PHACTR1: variants seen among roughly 807,000 people sequenced by gnomAD.
PHACTR1 encodes RPEL repeat containing 1.
Under a neutral mutation model 69.2 loss-of-function variants are expected in PHACTR1, and 16 were observed. The observed-to-expected ratio is 0.23, with a 90% CI of 0.16 to 0.35. PHACTR1 has a LOEUF of 0.35. Among genes scored for constraint, PHACTR1 ranks in the 10% least tolerant of loss-of-function variants. PHACTR1 has a pLI of 1.00. For synonymous variants in PHACTR1, 312 were observed against 284.5 expected (o/e 1.10, Z -0.97); for missense variants, 510 against 734.7 (o/e 0.69, Z 3.54).
At chr6:13,101,849 A>G (rs1247786692) in intron 5 of PHACTR1, among the ~76,000 whole-genome samples, 3 of 152,222 alleles carry the variant, frequency 2.0e-5, no homozygotes, top group South Asian at 2.1e-4. Context: ...GCTGCTCATA[A>G]TCAGTGAAGA....
chr6:13,100,414 A>G (rs758822654), intron 5 of PHACTR1, among the ~76,000 whole-genome samples: 11 of 152,210 alleles, frequency 7.2e-5, no homozygotes, highest in Admixed American at 5.9e-4. Context: ...GGTATGTCAC[A>G]AAACTACGAA....
At chr6:12,942,319 A>G (rs1242755249) in intron 4 of PHACTR1, among the ~76,000 whole-genome samples, 1 of 152,254 alleles carries the variant, frequency 6.6e-6, no homozygotes, top group African/African-American at 2.4e-5. Flanking sequence ...CCACAGGGAT[A>G]TCAAGTAGTA....
At chr6:13,281,064 G>C (rs949989457) in intron 12 of PHACTR1, 2 of 1,289,490 alleles carry the variant, frequency 1.6e-6, no homozygotes, top group African/African-American at 3.0e-5. Context: ...TCTTGATTTG[G>C]AAAGACGGTG....
chr6:12,900,999 C>T (rs1785129811), intron 4 of PHACTR1, among the ~76,000 whole-genome samples: 2 of 152,070 alleles, frequency 1.3e-5, no homozygotes, highest in Admixed American at 1.3e-4. Context: ...TGTAGGCGGC[C>T]CTGCTCTTGG....
chr6:12,809,913 T>A (rs1774828186), intron 4 of PHACTR1, among the ~76,000 whole-genome samples: 1 of 152,236 alleles, frequency 6.6e-6, no homozygotes. Flanking sequence ...TTAAAATAAT[T>A]CTTATCATCT....
At chr6:13,029,887 CT>C (rs1475985105) in intron 4 of PHACTR1, among the ~76,000 whole-genome samples, 1 of 152,196 alleles carries the variant, frequency 6.6e-6, no homozygotes, top group Non-Finnish European at 1.5e-5. Flanking sequence ...TTGTGCACCC[CT>C]GGTGGACTCT....
intron 5 of PHACTR1, among the ~76,000 whole-genome samples, chr6:13,090,578 C>T (rs1813096439): frequency 6.6e-6 from 1 of 152,188 alleles, no homozygotes. Flanking sequence ...CTACCTCGTC[C>T]TCCCAAAGTG....
chr6:12,976,793 A>G lies in PHACTR1; in HGVS notation c.251-76572A>G, dbSNP rs867871289. ...AGTAGCCATCTCAGTCATCAGATCA[A>G]CTGTCCTGGTGTCACAGTGCTTGTG... On this transcript the variant is annotated intron_variant, in intron 4 of 14. Coordinates refer to ENST00000332995, the MANE Select transcript of PHACTR1 (RefSeq NM_030948.6). Among the ~76,000 whole-genome samples, 144 of 152,138 alleles carry G rather than the reference A, an allele frequency of 9.5e-4. 1 individual carries two copies. The highest frequency in any genetic ancestry group is 3.5e-3 in the African/African-American group (143 of 41,434).
Position 12,933,635 on chromosome 6 carries a change from G to A in PHACTR1, c.251-119730G>A, listed in dbSNP as rs76125438. On this transcript the variant is annotated intron_variant, in intron 4 of 14. Transcript: ENST00000332995. Reference sequence around the variant, plus strand: ...CTTCATGTTTCCACAATGTCCAGGCGTTTCCCTTTTTGGGGATATGGATGA... The same window carrying A: ...CTTCATGTTTCCACAATGTCCAGGCATTTCCCTTTTTGGGGATATGGATGA... 3.2e-3 allele frequency: 5,201 copies of A among 1,612,630 alleles called. 145 individuals carry two copies. In the African/African-American group the frequency reaches 0.06, roughly 19 times the overall value.
intron 5 of PHACTR1, among the ~76,000 whole-genome samples, chr6:13,137,033 G>T (rs1176796035): frequency 6.6e-6 from 1 of 152,178 alleles, no homozygotes; most frequent in Non-Finnish European, 1.5e-5. Flanking sequence ...TGAACAAATG[G>T]TGCCGATAGA....
chr6:13,252,442 T>C (rs938804269), intron 10 of PHACTR1, among the ~76,000 whole-genome samples: 17 of 152,158 alleles, frequency 1.1e-4, no homozygotes, highest in African/African-American at 3.9e-4. Context: ...CTTTTCCTTC[T>C]TTCCGTTTCC....
At chr6:12,821,634 G>T (rs1776232196) in intron 4 of PHACTR1, among the ~76,000 whole-genome samples, 1 of 152,068 alleles carries the variant, frequency 6.6e-6, no homozygotes, top group Non-Finnish European at 1.5e-5. Context: ...CTGTATGAAT[G>T]CAAGGGACTC....
intron 5 of PHACTR1, among the ~76,000 whole-genome samples, chr6:13,053,808 C>A (rs562870082): frequency 3.6e-4 from 55 of 152,266 alleles, no homozygotes; most frequent in Non-Finnish European, 6.6e-4. Context: ...TCTGCCTTTT[C>A]TATAATTGAA....
intron 4 of PHACTR1, among the ~76,000 whole-genome samples, chr6:12,797,683 T>C (rs1773210913): frequency 6.6e-6 from 1 of 152,090 alleles, no homozygotes; most frequent in East Asian, 1.9e-4. Flanking sequence ...CACACCAACC[T>C]ATTCCTGGAC....
intron 5 of PHACTR1, among the ~76,000 whole-genome samples, chr6:13,085,107 C>A (rs1428734400): frequency 6.6e-6 from 1 of 151,866 alleles, no homozygotes; most frequent in Non-Finnish European, 1.5e-5. Context: ...AACATTTTTT[C>A]CATATCACTA....
intron 5 of PHACTR1, among the ~76,000 whole-genome samples, chr6:13,115,975 G>A (rs575744199): frequency 1.2e-4 from 18 of 152,318 alleles, no homozygotes; most frequent in African/African-American, 4.3e-4. Context: ...GTCTTGGTGT[G>A]ACAGGGATCT....
At chr6:12,964,371 A>G (rs995027325) in intron 4 of PHACTR1, among the ~76,000 whole-genome samples, 7 of 152,240 alleles carry the variant, frequency 4.6e-5, no homozygotes, top group Admixed American at 3.9e-4. Flanking sequence ...TTCTGGCTAG[A>G]AAAGGCTTTA....
At chr6:13,073,155 T>C (rs1192196264) in intron 5 of PHACTR1, among the ~76,000 whole-genome samples, 1 of 144,424 alleles carries the variant, frequency 6.9e-6, no homozygotes, top group Non-Finnish European at 1.5e-5. Context: ...CTGGAAGATC[T>C]CCGGATCATA....
intron 5 of PHACTR1, among the ~76,000 whole-genome samples, chr6:13,139,091 G>A (rs896749663): frequency 2.0e-5 from 3 of 147,412 alleles, no homozygotes; most frequent in Non-Finnish European, 4.5e-5. Flanking sequence ...ATCATATCAA[G>A]AGGGTTAATT....
Sources: allele counts gnomAD v4.1 joint callset (sites outside exome capture counted in the v4.1 genomes callset), GRCh38; gene constraint gnomAD v4.1.1; transcripts MANE v1.5; gene names NCBI Gene and HGNC (gene_info 2026-07-23, HGNC 2026-07-21).